Variants in MRC1 observed in about 807,000 individuals in gnomAD.
MRC1 encodes the protein mannose receptor C-type 1, also known as macrophage mannose receptor 1.
Under a neutral mutation model 102.9 loss-of-function variants are expected in MRC1, and 62 were observed. That is an observed-to-expected ratio of 0.60 (90% CI 0.49 to 0.74). The LOEUF is 0.74. Ranked by LOEUF, MRC1 falls within the 30% of genes least tolerant of loss-of-function variation. MRC1 has a pLI of 0.00. For missense variants in MRC1, 1,237 were observed against 862.8 expected, an observed-to-expected ratio of 1.43 and a Z score of -5.43; for synonymous variants, 457 against 298.4, an observed-to-expected ratio of 1.53 and a Z score of -5.48.
At chr10:17,853,572 A>ATGTGTG (rs782100594) in intron 8 of MRC1, among the ~76,000 whole-genome samples, 31 of 146,834 alleles carry the variant, frequency 2.1e-4, no homozygotes, top group African/African-American at 4.6e-4. Flanking sequence ...ATATATATGT[A>ATGTGTG]TGTGTGTGTG....
chr10:17,825,890 C>T (rs1413429794), intron 2 of MRC1, among the ~76,000 whole-genome samples: 2 of 152,096 alleles, frequency 1.3e-5, no homozygotes, highest in African/African-American at 2.4e-5. Context: ...CTAAGAATGG[C>T]GCAATTATTT....
chr10:17,872,495 T>A (rs1250305074), intron 15 of MRC1, among the ~76,000 whole-genome samples: 2 of 152,220 alleles, frequency 1.3e-5, no homozygotes, highest in Non-Finnish European at 2.9e-5. Flanking sequence ...CCTACGTTAA[T>A]CATCAAATAG....
chr10:17,892,714 T>C (rs1833696821), intron 22 of MRC1, among the ~76,000 whole-genome samples: 2 of 152,132 alleles, frequency 1.3e-5, no homozygotes, highest in Admixed American at 6.5e-5. Flanking sequence ...ATAGTCACCA[T>C]AAATAGAAGA....
chr10:17,869,569 T>A (rs1266663731), intron 12 of MRC1, among the ~76,000 whole-genome samples: 1 of 152,222 alleles, frequency 6.6e-6, no homozygotes, highest in Admixed American at 6.5e-5. Context: ...CACTGTTGAC[T>A]GCATTTCACT....
chr10:17,856,161 C>T, intron 8 of MRC1, 81 bp from the exon 9 acceptor site: 1 of 706,160 alleles, frequency 1.4e-6, no homozygotes, highest in Non-Finnish European at 2.5e-6. Context: ...CAGAGTGAGA[C>T]ACTGTCTCAA....
At chr10:17,860,232 A>G (rs1833162721) in intron 9 of MRC1, among the ~76,000 whole-genome samples, 1 of 150,296 alleles carries the variant, frequency 6.7e-6, no homozygotes, top group Non-Finnish European at 1.5e-5. Context: ...AAACTCTAGC[A>G]TGGATTTTTC....
chr10:17,902,027 A>T lies in MRC1; in HGVS notation c.3704A>T (p.His1235Leu). Residue 1235 changes from histidine (H) to leucine (L), a missense_variant, in exon 26 of 30, where the codon CAC becomes CTC. By Grantham distance (99) the His-to-Leu change is moderately conservative. Transcript: ENST00000569591. ...QLPGRCPESD[H>L]TAWIPFHGHC... ...CCTGGCAGATGCCCGGAGTCAGATC[A>T]CACAGCATGGATTCCTTTCCATGGT... The T allele has an allele frequency of 1.3e-6, 1 of 780,832 alleles. No individual in the cohort carries two copies. The highest frequency in any genetic ancestry group is 2.4e-6 in the Non-Finnish European group (1 of 417,960). The allele number at this position is 780,832 out of a possible 1,614,324, so 48.4% of individuals were successfully genotyped here.
In MRC1 at chr10:17,861,368, T is replaced by A; in HGVS notation, c.1519-19T>A. The A allele has an allele frequency of 1.2e-6, 1 of 857,376 alleles. No individual in the cohort carries two copies. Among genetic ancestry groups the A allele is most frequent in the Middle Eastern group, 2.2e-4 (1 of 4,576 alleles). 53.1% of individuals were successfully genotyped at this position (857,376 alleles called of 1,614,324 possible). A position where few individuals can be genotyped will look rare whatever the true frequency, so the allele number is the denominator to read the frequency against. On this transcript the variant is annotated intron_variant, in intron 9 of 29. Coordinates refer to ENST00000569591, the MANE Select transcript of MRC1 (RefSeq NM_002438.4). ...GCATGAACTCTGCTCATTTATTCACTGCTTGATAACATTAATAGGGCTGGA... is the reference window on the plus strand; with the variant it reads ...GCATGAACTCTGCTCATTTATTCACAGCTTGATAACATTAATAGGGCTGGA...
intron 17 of MRC1, 73 bp downstream of exon 17, chr10:17,875,326 G>A: frequency 1.3e-6 from 1 of 766,670 alleles, no homozygotes; most frequent in Non-Finnish European, 2.4e-6. Context: ...GTATGGAAAA[G>A]TTCTTTAGTG....
At chr10:17,891,519 A>G (rs1449670617) in intron 22 of MRC1, among the ~76,000 whole-genome samples, 1 of 152,180 alleles carries the variant, frequency 6.6e-6, no homozygotes, top group East Asian at 1.9e-4. Flanking sequence ...AAAGTGCATA[A>G]TAAGCGTAAT....
chr10:17,905,881 C>T (rs1833888222), intron 26 of MRC1, among the ~76,000 whole-genome samples: 1 of 152,048 alleles, frequency 6.6e-6, no homozygotes, highest in South Asian at 2.1e-4. Context: ...AAAGATGGTA[C>T]CTATTTAATG....
Position 17,875,237 on chromosome 10 carries a change from A to G in MRC1, c.2534A>G (p.Lys845Arg). 1 of 780,780 alleles carries G rather than the reference A, an allele frequency of 1.3e-6. No homozygotes were observed. The highest frequency in any genetic ancestry group is 2.4e-6 in the Non-Finnish European group (1 of 417,884). 48.4% of individuals were successfully genotyped at this position (780,780 alleles called of 1,614,324 possible). A position where few individuals can be genotyped will look rare whatever the true frequency, so the allele number is the denominator to read the frequency against. Residue 845 changes from lysine (K) to arginine (R), a missense_variant, in exon 17 of 30, where the codon AAG becomes AGG. Transcript: ENST00000569591. ...TCTATTCAAAGTGAAAGTGAAAAGA[A>G]GTTTCTATGGAAATATGTAAGGACA... ...LVSIQSESEK[K>R]FLWKYVNRND...
chr10:17,822,336 A>T (rs1332732808), intron 1 of MRC1, among the ~76,000 whole-genome samples: 4 of 152,226 alleles, frequency 2.6e-5, no homozygotes, highest in South Asian at 4.1e-4. Context: ...ACAAAATCCT[A>T]TTCTAGTCTG....
At position 17,849,767 on chromosome 10, in the gene MRC1, G is replaced by A; in HGVS notation, c.1249+3G>A. On this transcript the variant is annotated splice_donor_region_variant and intron_variant, in intron 7 of 29. Transcript: ENST00000569591. The stretch of plus-strand genomic sequence containing the variant: ...TATTATCTCCCAGCTAGGATATGGT[G>A]AGAAACTTGACAGTGATAATATACT... The A allele has an allele frequency of 3.8e-6, 3 of 780,116 alleles. No individual in the cohort carries two copies. Among genetic ancestry groups the A allele is most frequent in the South Asian group, 2.7e-5 (2 of 74,516 alleles). 48.3% of individuals were successfully genotyped at this position (780,116 alleles called of 1,614,324 possible).
At chr10:17,907,407 T>C in intron 27 of MRC1, 127 bp from the exon 28 acceptor site, 2 of 714,498 alleles carry the variant, frequency 2.8e-6, no homozygotes, top group Non-Finnish European at 2.6e-6. Flanking sequence ...CTGTTAAGTC[T>C]GGTTATAAAT....
At position 17,870,831 on chromosome 10, in the gene MRC1, T is replaced by C. The variant is rs1325853009; in HGVS notation, c.2112-17T>C. 6.9e-6 allele frequency: 6 copies of C among 872,214 alleles called. No individual in the cohort carries two copies. Among genetic ancestry groups the C allele is most frequent in the Admixed American group, 1.7e-5 (1 of 59,160 alleles). The allele number at this position is 872,214 out of a possible 1,614,324, so 54.0% of individuals were successfully genotyped here. ...CATGCAATAGCATATGCTTTCTTTA[T>C]GTTTTGGATTTCATAGAGCTAGTGG... On this transcript the variant is annotated splice_polypyrimidine_tract_variant and intron_variant, in intron 13 of 29. Transcript: ENST00000569591.
chr10:17,813,031 C>A (rs1838249794), intron 1 of MRC1, among the ~76,000 whole-genome samples: 1 of 152,018 alleles, frequency 6.6e-6, no homozygotes, highest in Non-Finnish European at 1.5e-5. Context: ...ACAGAGAAGC[C>A]TTAGAATCAT....
At chr10:17,815,332 G>A (rs1043717492) in intron 1 of MRC1, among the ~76,000 whole-genome samples, 132 of 152,198 alleles carry the variant, frequency 8.7e-4, no homozygotes, top group Non-Finnish European at 1.8e-3. Context: ...ACATACATAA[G>A]GTGAACGAAT....
chr10:17,871,472 C>G (rs949641967), intron 14 of MRC1, among the ~76,000 whole-genome samples: 317 of 152,300 alleles, frequency 2.1e-3, no homozygotes, highest in African/African-American at 7.4e-3. Context: ...CCCAGGGCCT[C>G]CGTTTGTTTC....
Sources: allele counts gnomAD v4.1 joint callset (sites outside exome capture counted in the v4.1 genomes callset), GRCh38; gene constraint gnomAD v4.1.1; transcripts MANE v1.5; gene names NCBI Gene and HGNC (gene_info 2026-07-23, HGNC 2026-07-21).